BACH2: variants seen among roughly 807,000 people sequenced by gnomAD.
BACH2 encodes BACH transcriptional regulator 2, also known as transcription regulator protein BACH2.
In BACH2, 5 loss-of-function variants were observed where a neutral mutation model predicts 61.8. The ratio of observed to expected loss-of-function variants is 0.08; its 90% CI spans 0.04 to 0.17. The LOEUF (loss-of-function observed/expected upper bound fraction) is 0.17. Ranked by LOEUF, BACH2 falls within the 10% of genes least tolerant of loss-of-function variation. The pLI, the probability that BACH2 is intolerant of heterozygous loss-of-function variation, is 1.00. For missense variants in BACH2, 824 were observed against 1,091.1 expected (o/e 0.76, Z 3.45); for synonymous variants, 446 against 440.1 (o/e 1.01, Z -0.17).
At chr6:89,996,291 A>G (rs951640170) in intron 6 of BACH2, among the ~76,000 whole-genome samples, 3 of 152,032 alleles carry the variant, frequency 2.0e-5, no homozygotes, top group African/African-American at 7.2e-5. Context: ...CACCTATGCT[A>G]GGCTCAGGCT....
intron 4 of BACH2, among the ~76,000 whole-genome samples, chr6:90,164,570 A>G (rs1767539012): frequency 6.6e-6 from 1 of 152,200 alleles, no homozygotes; most frequent in Non-Finnish European, 1.5e-5. Flanking sequence ...TTATGAGGCC[A>G]GCATCATCCT....
At chr6:90,289,087 C>T (rs1253580407) in intron 1 of BACH2, among the ~76,000 whole-genome samples, 13 of 152,216 alleles carry the variant, frequency 8.5e-5, no homozygotes, top group Admixed American at 8.5e-4. Context: ...AGGAGATATA[C>T]TCACTCAGAT....
At chr6:90,092,315 T>TACACAC (rs1554244355) in intron 4 of BACH2, among the ~76,000 whole-genome samples, 1,272 of 111,894 alleles carry the variant, frequency 0.011, 50 homozygotes, top group African/African-American at 0.043. Context: ...TATATATATA[T>TACACAC]ACACACACAC....
At chr6:90,176,460 G>A (rs1237230435) in intron 4 of BACH2, among the ~76,000 whole-genome samples, 1 of 152,160 alleles carries the variant, frequency 6.6e-6, no homozygotes, top group Non-Finnish European at 1.5e-5. Flanking sequence ...ACCTCAACCA[G>A]CTTAAGGTGC....
intron 6 of BACH2, among the ~76,000 whole-genome samples, chr6:89,964,875 A>G: frequency 6.6e-6 from 1 of 151,714 alleles, no homozygotes; most frequent in Non-Finnish European, 1.5e-5. Flanking sequence ...TTGCTTACAG[A>G]CCTTATTAGA....
At chr6:90,215,737 T>C (rs987378162) in intron 3 of BACH2, among the ~76,000 whole-genome samples, 2 of 152,182 alleles carry the variant, frequency 1.3e-5, no homozygotes, top group African/African-American at 4.8e-5. Flanking sequence ...ATTATGTTCT[T>C]TGTAGCCTAA....
At chr6:90,284,063 G>A (rs1771941572) in intron 1 of BACH2, among the ~76,000 whole-genome samples, 1 of 151,968 alleles carries the variant, frequency 6.6e-6, no homozygotes, top group African/African-American at 2.4e-5. Flanking sequence ...AAAGAATTAT[G>A]TTAAATATAC....
intron 4 of BACH2, among the ~76,000 whole-genome samples, chr6:90,093,259 C>T (rs921831502): frequency 3.3e-5 from 5 of 152,152 alleles, no homozygotes; most frequent in African/African-American, 1.2e-4. Context: ...AAGAGACGGC[C>T]ACCACTGAGG....
intron 5 of BACH2, among the ~76,000 whole-genome samples, chr6:90,055,148 G>C (rs1197071494): frequency 6.6e-6 from 1 of 152,192 alleles, no homozygotes. Flanking sequence ...GTTGAGAGAA[G>C]AAGGCTTCAG....
chr6:89,998,584 T>G (rs1776974917), intron 6 of BACH2, among the ~76,000 whole-genome samples: 1 of 152,252 alleles, frequency 6.6e-6, no homozygotes, highest in Non-Finnish European at 1.5e-5. Flanking sequence ...GCCTGCAATT[T>G]GGTTCAGAAC....
intron 4 of BACH2, among the ~76,000 whole-genome samples, chr6:90,173,754 T>G (rs748636651): frequency 5.3e-5 from 8 of 152,168 alleles, no homozygotes; most frequent in Non-Finnish European, 1.0e-4. Flanking sequence ...GTGGTAGTGG[T>G]TACATGACTA....
chr6:90,272,345 T>C (rs1171955406), intron 1 of BACH2, among the ~76,000 whole-genome samples: 2 of 152,106 alleles, frequency 1.3e-5, no homozygotes, highest in African/African-American at 4.8e-5. Context: ...CTCCTTCTGC[T>C]TCTTGACCAA....
chr6:90,012,441 C>A (rs4707587), intron 5 of BACH2, among the ~76,000 whole-genome samples: 116 of 151,818 alleles, frequency 7.6e-4, no homozygotes, highest in African/African-American at 2.6e-3. Flanking sequence ...ACCAGCCTGG[C>A]CAACATGCTG....
intron 4 of BACH2, among the ~76,000 whole-genome samples, chr6:90,173,752 G>A (rs1366441590): frequency 1.3e-5 from 2 of 152,096 alleles, no homozygotes; most frequent in Non-Finnish European, 2.9e-5. Context: ...TTGTGGTAGT[G>A]GTTACATGAC....
chr6:90,123,737 T>G (rs1582391798), intron 4 of BACH2, among the ~76,000 whole-genome samples: 1 of 115,304 alleles, frequency 8.7e-6, no homozygotes, highest in African/African-American at 3.6e-5. Flanking sequence ...GCCACTGCAC[T>G]CCAGCCTGGG....
At chr6:90,180,865 A>G (rs1768135016) in intron 4 of BACH2, among the ~76,000 whole-genome samples, 1 of 123,834 alleles carries the variant, frequency 8.1e-6, no homozygotes, top group Non-Finnish European at 1.8e-5. Context: ...TGTATTACAC[A>G]CACACACACA....
intron 4 of BACH2, among the ~76,000 whole-genome samples, chr6:90,132,623 T>C (rs1040370657): frequency 2.0e-5 from 3 of 152,212 alleles, no homozygotes; most frequent in Non-Finnish European, 2.9e-5. Flanking sequence ...CTCCCACCCC[T>C]ACCGTGGCTA....
intron 6 of BACH2, among the ~76,000 whole-genome samples, chr6:89,992,163 T>C (rs958340634): frequency 1.6e-4 from 24 of 152,238 alleles, no homozygotes; most frequent in African/African-American, 5.5e-4. Context: ...TGTTTATCCT[T>C]TCTGTTTCTT....
chr6:89,963,733 G>C (rs1313548854), intron 6 of BACH2, among the ~76,000 whole-genome samples: 1 of 152,200 alleles, frequency 6.6e-6, no homozygotes, highest in Non-Finnish European at 1.5e-5. Flanking sequence ...ATCCAAAGCA[G>C]GGTCTTAAAG....
Sources: allele counts gnomAD v4.1 joint callset (sites outside exome capture counted in the v4.1 genomes callset), GRCh38; gene constraint gnomAD v4.1.1; transcripts MANE v1.5; gene names NCBI Gene and HGNC (gene_info 2026-07-23, HGNC 2026-07-21).